The following SPATA6 variants were observed in gnomAD, a reference collection of about 807,000 sequenced individuals.
The protein encoded by SPATA6 is spermatogenesis associated 6, also known as spermatogenesis-associated protein 6.
SPATA6 carries 56 observed loss-of-function variants against 65.3 expected under a neutral mutation model. The observed-to-expected ratio is 0.86, with a 90% confidence interval of 0.69 to 1.07. SPATA6 has a LOEUF of 1.07. SPATA6 is among the 50% of genes least tolerant of loss of function. The pLI is 0.00. For synonymous variants in SPATA6, 199 were observed against 213.2 expected, an observed-to-expected ratio of 0.93 and a Z score of 0.58; for missense variants, 590 against 594.8, an observed-to-expected ratio of 0.99 and a Z score of 0.08.
At chr1:48,270,781 T>C in the SPATA6 span, among the ~76,000 whole-genome samples, 19 of 151,554 alleles carry the variant, frequency 1.3e-4, no homozygotes, top group African/African-American at 4.6e-4. Context: ...TTTCATATAC[T>C]ATACAAATTA....
the SPATA6 span, among the ~76,000 whole-genome samples, chr1:48,283,701 GA>G: frequency 4.1e-5 from 5 of 121,582 alleles, no homozygotes. Context: ...AAAAAAAAAA[GA>G]AAGAAAGAAA....
At position 48,436,392 on chromosome 1, in the gene SPATA6, T is replaced by G; in HGVS notation, c.238+15160A>C. On this transcript the variant is annotated intron_variant, in intron 3 of 12. Transcript: ENST00000371847. The stretch of plus-strand genomic sequence containing the variant: ...TTATTTCTCCATTTATGGCCTATGG[T>G]TCAGCAAGTCAACTCTTGAGGACCT... The G allele has an allele frequency of 2.5e-6, 4 of 1,611,734 alleles. No individual in the cohort carries two copies. The East Asian group carries it at 8.9e-5, about 36-fold the overall frequency.
chr1:48,319,092 C>G (rs1645524414), intron 11 of SPATA6, among the ~76,000 whole-genome samples: 1 of 152,112 alleles, frequency 6.6e-6, no homozygotes, highest in Non-Finnish European at 1.5e-5. Context: ...GACTCTCTAT[C>G]TCACACAAAA....
chr1:48,318,355 G>C (rs1174171671), intron 11 of SPATA6, among the ~76,000 whole-genome samples: 1 of 152,098 alleles, frequency 6.6e-6, no homozygotes, highest in African/African-American at 2.4e-5. Flanking sequence ...TTGCAGATAA[G>C]ATGATTCTGT....
intron 3 of SPATA6, among the ~76,000 whole-genome samples, chr1:48,428,762 T>C (rs914079557): frequency 4.2e-5 from 6 of 144,092 alleles, no homozygotes; most frequent in Non-Finnish European, 7.5e-5. Flanking sequence ...CGGTCAACTG[T>C]ATAGGTGTAT....
intron 9 of SPATA6, among the ~76,000 whole-genome samples, chr1:48,379,776 C>G (rs984821960): frequency 6.6e-6 from 1 of 152,096 alleles, no homozygotes; most frequent in Non-Finnish European, 1.5e-5. Flanking sequence ...ATTTATTTAT[C>G]ATGGTGACAT....
Position 48,298,468 on chromosome 1 carries a change from T to A in SPATA6, c.*245A>T, listed in dbSNP as rs1644853327. The A allele has an allele frequency of 2.9e-6, 1 of 339,620 alleles. No homozygotes were observed. The highest frequency in any genetic ancestry group is 4.8e-5 in the East Asian group (1 of 20,932). 21.0% of individuals were successfully genotyped at this position (339,620 alleles called of 1,614,324 possible). A position where few individuals can be genotyped will look rare whatever the true frequency, so the allele number is the denominator to read the frequency against. ...TGTAACAGAATATCCTTGTCACATA[T>A]TGGAAGTTGTGATTGTGTGACAGAG... On this transcript the variant is annotated 3_prime_UTR_variant, in exon 13 of 13. Coordinates refer to ENST00000371847, the MANE Select transcript of SPATA6 (RefSeq NM_019073.4).
At chr1:48,303,676 G>C (rs1292388007) in intron 12 of SPATA6, among the ~76,000 whole-genome samples, 1 of 152,066 alleles carries the variant, frequency 6.6e-6, no homozygotes, top group Non-Finnish European at 1.5e-5. Flanking sequence ...TGGGCACTTA[G>C]GTTGATTTCA....
intron 1 of SPATA6, among the ~76,000 whole-genome samples, chr1:48,462,542 T>C (rs999949091): frequency 3.9e-5 from 6 of 152,048 alleles, no homozygotes; most frequent in Admixed American, 2.0e-4. Context: ...TTTTAATACC[T>C]CTCCATTACA....
intron 8 of SPATA6, among the ~76,000 whole-genome samples, chr1:48,392,519 C>G (rs1650174389): frequency 6.6e-6 from 1 of 151,818 alleles, no homozygotes; most frequent in Non-Finnish European, 1.5e-5. Flanking sequence ...AAAAAATATA[C>G]CTTAATGAAA....
the SPATA6 span, among the ~76,000 whole-genome samples, chr1:48,286,079 T>C: frequency 2.0e-5 from 3 of 152,238 alleles, no homozygotes; most frequent in Non-Finnish European, 2.9e-5. Context: ...TATAGCTTTG[T>C]AATAAAATTT....
At chr1:48,405,950 C>T (rs572130197) in intron 5 of SPATA6, among the ~76,000 whole-genome samples, 27 of 152,138 alleles carry the variant, frequency 1.8e-4, no homozygotes, top group African/African-American at 6.0e-4. Flanking sequence ...AGCTTGAAAT[C>T]CAGGATGTTG....
chr1:48,325,448 C>A, intron 11 of SPATA6: 1 of 1,236,124 alleles, frequency 8.1e-7, no homozygotes, highest in Admixed American at 1.7e-5. Flanking sequence ...CTGCAGTTTG[C>A]ACTATGTTCC....
intron 9 of SPATA6, among the ~76,000 whole-genome samples, chr1:48,378,953 AT>A (rs1648237640): frequency 6.6e-6 from 1 of 152,236 alleles, no homozygotes; most frequent in Non-Finnish European, 1.5e-5. Context: ...ATACAACAAC[AT>A]AAACCTGGAA....
the SPATA6 span, among the ~76,000 whole-genome samples, chr1:48,284,704 T>C: frequency 6.6e-6 from 1 of 152,218 alleles, no homozygotes; most frequent in Non-Finnish European, 1.5e-5. Flanking sequence ...CTGTCTGTGC[T>C]GGAGTTTGCT....
chr1:48,288,888 C>T, the SPATA6 span, among the ~76,000 whole-genome samples: 1 of 152,374 alleles, frequency 6.6e-6, no homozygotes, highest in East Asian at 1.9e-4. Flanking sequence ...TCAACGAGGC[C>T]TGCCTGCCTC....
the SPATA6 span, among the ~76,000 whole-genome samples, chr1:48,265,464 T>C: frequency 6.6e-6 from 1 of 151,882 alleles, no homozygotes; most frequent in Non-Finnish European, 1.5e-5. Flanking sequence ...TCACATGGAA[T>C]CTAGAGCCAA....
At chr1:48,378,278 T>C (rs1386848517) in intron 9 of SPATA6, among the ~76,000 whole-genome samples, 1 of 152,170 alleles carries the variant, frequency 6.6e-6, no homozygotes. Context: ...TATTTTTGAA[T>C]AGAAAATTTA....
intron 9 of SPATA6, among the ~76,000 whole-genome samples, chr1:48,379,200 G>A (rs1343438788): frequency 6.6e-6 from 1 of 152,174 alleles, no homozygotes; most frequent in Non-Finnish European, 1.5e-5. Flanking sequence ...AGGCAAGAGA[G>A]AGCAAGCAAC....
Sources: allele counts gnomAD v4.1 joint callset (sites outside exome capture counted in the v4.1 genomes callset), GRCh38; gene constraint gnomAD v4.1.1; transcripts MANE v1.5; gene names NCBI Gene and HGNC (gene_info 2026-07-23, HGNC 2026-07-21).